ZFC3H1: variants seen among roughly 807,000 people sequenced by gnomAD.
ZFC3H1 encodes the protein zinc finger C3H1-type containing.
In ZFC3H1, 71 loss-of-function variants were observed where a neutral mutation model predicts 243.7. The ratio of observed to expected loss-of-function variants is 0.29; its 90% CI spans 0.24 to 0.36. The LOEUF is 0.36. Among genes scored for constraint, ZFC3H1 ranks in the 10% least tolerant of loss-of-function variants. The pLI is 1.00. For synonymous variants in ZFC3H1, 838 were observed against 813.0 expected (o/e 1.03, Z -0.52); for missense variants, 1,966 against 2,317.1 (o/e 0.85, Z 3.11).
chr12:71,663,052 T>G lies in ZFC3H1; in HGVS notation c.559A>C (p.Ser187Arg). The G allele has an allele frequency of 6.2e-7, 1 of 1,613,058 alleles. No individual in the cohort carries two copies. Among genetic ancestry groups the G allele is most frequent in the Admixed American group, 1.7e-5 (1 of 59,992 alleles). ...GGAGAGGGCTCTCGCCAGCTCTGAC[T>G]GCTGCTGAACCCGGATCCTGCTCCT... ...GGGAGSGFSS[S>R]QSWREPSPPR... is the part of the protein sequence containing the mutation. Residue 187 changes from serine to arginine, a missense_variant, in exon 1 of 35, where the codon AGT (serine) becomes CGT (arginine). Physicochemically the swap from Ser to Arg is moderately radical, Grantham distance 110. This residue lies in a region of ZFC3H1 where 484 missense variants were observed against 449.7 expected (regional missense o/e 1.08). Transcript: ENST00000378743.
At chr12:71,654,026 C>G (rs1880955516) in intron 2 of ZFC3H1, among the ~76,000 whole-genome samples, 1 of 152,006 alleles carries the variant, frequency 6.6e-6, no homozygotes, top group Non-Finnish European at 1.5e-5. Flanking sequence ...AACAAACAAA[C>G]AAAAAGCATA....
At position 71,644,886 on chromosome 12, in the gene ZFC3H1, T is replaced by A. The variant is rs754838280; in HGVS notation, c.1270A>T (p.Ser424Cys). 21 of 1,611,100 alleles carry A rather than the reference T, an allele frequency of 1.3e-5. No individual in the cohort carries two copies. Among genetic ancestry groups the A allele is most frequent in the Non-Finnish European group, 1.8e-5 (21 of 1,179,780 alleles). The change falls in exon 4 of 35, where the codon AGC (serine) becomes TGC (cysteine). Residue 424 changes from serine to cysteine, a missense_variant. Coordinates refer to ENST00000378743, the MANE Select transcript of ZFC3H1 (RefSeq NM_144982.5). ...TAATAAAAATGATCACCTGTAGTGC[T>A]AACTTTTTTGGCCGAATGTGTTTTT... ...STKTHSAKKV[S>C]TTAKQALRKQ...
rs180854396 is a variant in ZFC3H1 at position 71,613,641 on chromosome 12, G to A, written c.5527-206C>T. ...ATTAGGAAATATGGTCTAGTGATGA[G>A]AGCCATGGGCAGAACACTGACAAGA... On this transcript the variant is annotated intron_variant, in intron 30 of 34. Coordinates refer to ENST00000378743, the MANE Select transcript of ZFC3H1 (RefSeq NM_144982.5). 35 of 428,404 alleles carry A rather than the reference G, an allele frequency of 8.2e-5. No individual in the cohort carries two copies. In the East Asian group the frequency reaches 8.9e-4, roughly 11 times the overall value. 26.5% of individuals were successfully genotyped at this position (428,404 alleles called of 1,614,324 possible).
Position 71,631,011 on chromosome 12 carries a change from T to C in ZFC3H1, c.3471-57A>G. 4 of 1,442,680 alleles carry C rather than the reference T, an allele frequency of 2.8e-6. No homozygotes were observed. The South Asian group carries it at 4.9e-5, about 18-fold the overall frequency. 89.4% of individuals were successfully genotyped at this position (1,442,680 alleles called of 1,614,324 possible). A position where few individuals can be genotyped will look rare whatever the true frequency, so the allele number is the denominator to read the frequency against. ...GCCCAACAAACATTCCTCAGAAAAC[T>C]AAGAAAACTTTAGTTTTTCTTTCTC... On this transcript the variant is annotated intron_variant, in intron 16 of 34. Coordinates refer to ENST00000378743, the MANE Select transcript of ZFC3H1 (RefSeq NM_144982.5).
intron 2 of ZFC3H1, among the ~76,000 whole-genome samples, chr12:71,653,459 G>A (rs1271949917): frequency 1.3e-5 from 2 of 152,180 alleles, no homozygotes; most frequent in East Asian, 1.9e-4. Flanking sequence ...GAGAGAATGG[G>A]ATAATATTCT....
At chr12:71,638,659 C>T (rs910489858) in intron 6 of ZFC3H1, 144 bp from the exon 7 acceptor site, 1 of 645,582 alleles carries the variant, frequency 1.5e-6, no homozygotes, top group African/African-American at 1.9e-5. Flanking sequence ...TTAAACCCCT[C>T]ATGAGTCCAC....
rs1329434498 is a variant in ZFC3H1, at chr12:71,619,292, AAACT to A, written c.5144+19_5144+22del. The A allele has an allele frequency of 6.2e-7, 1 of 1,605,688 alleles. No homozygotes were observed. Among genetic ancestry groups the A allele is most frequent in the Non-Finnish European group, 8.5e-7 (1 of 1,173,902 alleles). ...ACTGTGCTCTCTCTCATTCCTCTAC[AAACT>A]AAGAATTCTACAACTTACCGAAACA... On this transcript the variant is annotated intron_variant, in intron 27 of 34. Coordinates refer to ENST00000378743, the MANE Select transcript of ZFC3H1 (RefSeq NM_144982.5).
At chr12:71,627,714 G>A (rs370934142) in intron 21 of ZFC3H1, 37 bp downstream of exon 21, 8 of 1,567,444 alleles carry the variant, frequency 5.1e-6, no homozygotes, top group Non-Finnish European at 6.1e-6. Flanking sequence ...AAATATAAAT[G>A]TGCAACTGTT....
At chr12:71,629,989 G>A (rs1405249388) in intron 18 of ZFC3H1, among the ~76,000 whole-genome samples, 4 of 151,442 alleles carry the variant, frequency 2.6e-5, no homozygotes, top group Non-Finnish European at 4.4e-5. Context: ...CGATAAAATA[G>A]ATTCAGTGAC....
chr12:71,642,627 G>A (rs1410853308), intron 5 of ZFC3H1, 68 bp from the exon 6 acceptor site: 2 of 1,515,320 alleles, frequency 1.3e-6, no homozygotes, highest in African/African-American at 2.8e-5. Flanking sequence ...CAAAAGAACT[G>A]ATAGTTATCT....
rs754671233 is a variant in ZFC3H1, at chr12:71,624,274, T to C, written c.4336A>G (p.Thr1446Ala). ...SFWTFLHLES[T>A]FEEKDYVCER... Reference sequence around the variant, plus strand: ...CATACGTAATCCTTTTCTTCAAAGGTACTTTCTAGGTGTAGAAACTGCCCA... The same window carrying C: ...CATACGTAATCCTTTTCTTCAAAGGCACTTTCTAGGTGTAGAAACTGCCCA... Residue 1446 changes from threonine to alanine, a missense_variant, in exon 23 of 35, where the codon ACC becomes GCC. This residue lies in a region of ZFC3H1 where 1,383 missense variants were observed against 1,723.7 expected (regional missense o/e 0.80). Transcript: ENST00000378743. 1.2e-6 allele frequency: 2 copies of C among 1,611,972 alleles called. No individual in the cohort carries two copies. Among genetic ancestry groups the C allele is most frequent in the South Asian group, 2.2e-5 (2 of 90,852 alleles).
intron 27 of ZFC3H1, among the ~76,000 whole-genome samples, chr12:71,618,044 T>C (rs1879932075): frequency 6.6e-6 from 1 of 152,008 alleles, no homozygotes. Flanking sequence ...GCAGGCGGAT[T>C]GCCTGAGCTC....
chr12:71,616,200 G>A (rs1396017589), intron 27 of ZFC3H1, among the ~76,000 whole-genome samples: 1 of 152,162 alleles, frequency 6.6e-6, no homozygotes, highest in African/African-American at 2.4e-5. Context: ...CCCGGGCTGA[G>A]GTGGGAGAAT....
chr12:71,619,336 T>A lies in ZFC3H1; in HGVS notation c.5123A>T (p.Tyr1708Phe), dbSNP rs941582760. 1.2e-6 allele frequency: 2 copies of A among 1,613,658 alleles called. No individual in the cohort carries two copies. Among genetic ancestry groups the A allele is most frequent in the African/African-American group, 1.3e-5 (1 of 74,914 alleles). ...TTACCGAAACAGATCCAAGTTATTA[T>A]ACTTCTCAAACCCCGGTTTAAAGAA... ...ASFFKPGFEK[Y>F]NNLDLFRYLL... Residue 1708 changes from tyrosine (Y) to phenylalanine (F), a missense_variant, in exon 27 of 35, where the codon TAT (tyrosine) becomes TTT (phenylalanine). Tyr to Phe is a conservative substitution (Grantham distance 22, BLOSUM62 3). Transcript: ENST00000378743.
chr12:71,642,743 T>A (rs972813026), intron 5 of ZFC3H1, among the ~76,000 whole-genome samples, 184 bp from the exon 6 acceptor site: 2 of 152,180 alleles, frequency 1.3e-5, no homozygotes, highest in African/African-American at 2.4e-5. Context: ...ATTTTATAAC[T>A]GTATAATCAG....
In ZFC3H1 at chr12:71,643,997, AT is replaced by A. The variant is rs929616686; in HGVS notation, c.1503+97del. The stretch of plus-strand genomic sequence containing the variant: ...CCTACCTTCCTTTTTTCCAAGAGTT[AT>A]TTATAAAATAAACTTCCTTATTTGA... On this transcript the variant is annotated intron_variant, in intron 5 of 34. Transcript: ENST00000378743. The A allele has an allele frequency of 2.8e-6, 3 of 1,078,190 alleles. No individual in the cohort carries two copies. The African/African-American group carries it at 4.8e-5, about 17-fold the overall frequency. The allele number at this position is 1,078,190 out of a possible 1,614,324, so 66.8% of individuals were successfully genotyped here.
At chr12:71,616,356 C>T (rs2137516249) in intron 27 of ZFC3H1, among the ~76,000 whole-genome samples, 2 of 152,278 alleles carry the variant, frequency 1.3e-5, no homozygotes, top group Middle Eastern at 6.8e-3. Context: ...TACAGCCATA[C>T]ACACATACAA....
rs1879747912 is a variant in ZFC3H1 at position 71,610,757 on chromosome 12, C to T, written c.5770G>A (p.Val1924Ile). 6.2e-7 allele frequency: 1 copy of T among 1,612,554 alleles called. No homozygotes were observed. ...AAGGCTCTCTGATATAAACGGTGGA[C>T]CTGTAAGATAGATATACACACAATT... ...AEIVLKGQRE[V>I]HRLYQRALQK... The change falls in exon 34 of 35, where the codon GTC (valine) becomes ATC (isoleucine). Residue 1924 changes from valine (V) to isoleucine (I), a missense_variant and splice_region_variant. Around this residue, in one of 4 missense-constraint regions of ZFC3H1, gnomAD observed 1,383 missense variants for 1,723.7 expected, o/e 0.80. Coordinates refer to ENST00000378743, the MANE Select transcript of ZFC3H1 (RefSeq NM_144982.5).
chr12:71,655,478 A>T (rs1880992448), intron 2 of ZFC3H1, among the ~76,000 whole-genome samples: 1 of 152,128 alleles, frequency 6.6e-6, no homozygotes, highest in Non-Finnish European at 1.5e-5. Flanking sequence ...TAAATTAAAG[A>T]AGAGAGCAGG....
Sources: allele counts gnomAD v4.1 joint callset (sites outside exome capture counted in the v4.1 genomes callset), GRCh38; gene constraint gnomAD v4.1.1; regional missense constraint gnomAD v4.1.1; transcripts MANE v1.5; gene names NCBI Gene and HGNC (gene_info 2026-07-23, HGNC 2026-07-21).